The following ANO10 variants were observed in gnomAD, a reference collection of about 807,000 sequenced individuals.
ANO10 encodes the protein anoctamin 10.
Under a neutral mutation model 74.7 loss-of-function variants are expected in ANO10, and 77 were observed. The ratio of observed to expected loss-of-function variants is 1.03; its 90% CI spans 0.86 to 1.25. The LOEUF (loss-of-function observed/expected upper bound fraction) is 1.25. ANO10 is among the 50% of genes most tolerant of loss of function. The pLI is 0.00. For missense variants in ANO10, 721 were observed against 778.1 expected (o/e 0.93, Z 0.87); for synonymous variants, 279 against 284.9 (o/e 0.98, Z 0.21).
intron 11 of ANO10, among the ~76,000 whole-genome samples, chr3:43,435,309 G>A (rs2093050065): frequency 6.6e-6 from 1 of 152,086 alleles, no homozygotes; most frequent in Non-Finnish European, 1.5e-5. Flanking sequence ...AGGAGTTCAA[G>A]ACCAGCCTGG....
intron 1 of ANO10, among the ~76,000 whole-genome samples, chr3:43,643,177 A>G (rs1243225087): frequency 6.6e-6 from 1 of 150,516 alleles, no homozygotes; most frequent in Non-Finnish European, 1.5e-5. Context: ...GACTACAGGC[A>G]CCCGCCACGA....
In ANO10 at chr3:43,405,363, G is replaced by T. The variant is rs2092557874; in HGVS notation, c.1914+27248C>A. Among the ~76,000 whole-genome samples, 5 of 152,352 alleles carry T rather than the reference G, an allele frequency of 3.3e-5. No homozygotes were observed. The South Asian group carries it at 1.0e-3, about 32-fold the overall frequency. On this transcript the variant is annotated intron_variant, in intron 12 of 12. Coordinates refer to ENST00000292246, the MANE Select transcript of ANO10 (RefSeq NM_018075.5). ...ACGGGGAGGAGGGCAGAAGTGATGT[G>T]AGAATGGCCACTTGGGCCAGAAGTC...
intron 11 of ANO10, among the ~76,000 whole-genome samples, chr3:43,542,435 C>T (rs964605008): frequency 2.0e-5 from 3 of 152,128 alleles, no homozygotes; most frequent in African/African-American, 7.2e-5. Context: ...GGAACCAATG[C>T]AATGCTATGA....
At chr3:43,630,785 A>T (rs551043406) in intron 1 of ANO10, among the ~76,000 whole-genome samples, 2 of 152,216 alleles carry the variant, frequency 1.3e-5, no homozygotes, top group South Asian at 4.1e-4. Flanking sequence ...TATTTTGCAC[A>T]TTGTTTTTGT....
At chr3:43,409,900 A>G (rs2092637459) in intron 12 of ANO10, among the ~76,000 whole-genome samples, 1 of 152,168 alleles carries the variant, frequency 6.6e-6, no homozygotes, top group African/African-American at 2.4e-5. Context: ...GACTTTTTAT[A>G]TTACATTTGA....
chr3:43,665,403 T>C (rs550060237), intron 1 of ANO10, among the ~76,000 whole-genome samples: 2 of 152,166 alleles, frequency 1.3e-5, no homozygotes, highest in East Asian at 1.9e-4. Flanking sequence ...GGGATAACAT[T>C]AGGAGAAATA....
intron 8 of ANO10, among the ~76,000 whole-genome samples, chr3:43,562,400 C>T (rs2080083908): frequency 6.8e-6 from 1 of 146,622 alleles, no homozygotes; most frequent in Admixed American, 7.1e-5. Context: ...TGCAGTAAGC[C>T]AAGATCGCGC....
At chr3:43,677,026 A>G (rs191576628) in intron 1 of ANO10, among the ~76,000 whole-genome samples, 1 of 152,326 alleles carries the variant, frequency 6.6e-6, no homozygotes, top group African/African-American at 2.4e-5. Context: ...TATCAAAAAG[A>G]TACAGGCACT....
intron 11 of ANO10, among the ~76,000 whole-genome samples, chr3:43,506,175 C>T (rs1322486474): frequency 1.3e-4 from 20 of 152,276 alleles, no homozygotes; most frequent in Admixed American, 1.2e-3. Context: ...TCATTCATAA[C>T]GTCATCCTTG....
At chr3:43,613,691 G>A (rs1391203344) in intron 1 of ANO10, among the ~76,000 whole-genome samples, 7 of 152,066 alleles carry the variant, frequency 4.6e-5, no homozygotes, top group East Asian at 3.9e-4. Flanking sequence ...TGGTGGGGGC[G>A]AATATTAACC....
chr3:43,690,955 GC>G (rs780961216), intron 1 of ANO10: 81 of 1,550,924 alleles, frequency 5.2e-5, no homozygotes, highest in Non-Finnish European at 7.0e-5. Flanking sequence ...CTGTCAGCCG[GC>G]TTCGAGATAA....
Position 43,366,425 on chromosome 3 carries a change from G to A in ANO10, c.*481C>T, listed in dbSNP as rs1053252835. On this transcript the variant is annotated 3_prime_UTR_variant, in exon 13 of 13. Coordinates refer to ENST00000292246, the MANE Select transcript of ANO10 (RefSeq NM_018075.5). ...TGTATTGCAAAAGAGAACCAGGAAA[G>A]AGGTCCAGTGTGGGAAGCACTGCCT... 1.3e-5 allele frequency: 3 copies of A among 235,676 alleles called. No individual in the cohort carries two copies. The highest frequency in any genetic ancestry group is 1.2e-4 in the South Asian group (2 of 16,096). The allele number at this position is 235,676 out of a possible 1,614,324, so 14.6% of individuals were successfully genotyped here.
At chr3:43,605,615 T>C in intron 2 of ANO10, 99 bp downstream of exon 2, 1 of 1,458,692 alleles carries the variant, frequency 6.9e-7, no homozygotes, top group Non-Finnish European at 9.4e-7. Context: ...ATAAAACACA[T>C]TTGCAAATAC....
At chr3:43,558,540 T>C (rs904653249) in intron 9 of ANO10, among the ~76,000 whole-genome samples, 3 of 152,210 alleles carry the variant, frequency 2.0e-5, no homozygotes, top group African/African-American at 7.2e-5. Flanking sequence ...CTGCATTTTC[T>C]AAGTTTTCTA....
At chr3:43,568,081 CAAAG>C (rs1305285484) in intron 7 of ANO10, among the ~76,000 whole-genome samples, 7 of 152,004 alleles carry the variant, frequency 4.6e-5, no homozygotes, top group Non-Finnish European at 1.0e-4. Flanking sequence ...TCAAAAGAGA[CAAAG>C]AAGGCCATTA....
chr3:43,565,965 T>C (rs909152742), intron 7 of ANO10, among the ~76,000 whole-genome samples: 3 of 151,874 alleles, frequency 2.0e-5, no homozygotes, highest in Admixed American at 1.3e-4. Flanking sequence ...TGGACGCAGG[T>C]CAGTGGGTGC....
chr3:43,413,896 C>T (rs993021572), intron 12 of ANO10, among the ~76,000 whole-genome samples: 1 of 151,780 alleles, frequency 6.6e-6, no homozygotes, highest in Non-Finnish European at 1.5e-5. Flanking sequence ...AGGGCTCTCT[C>T]AGGTCCATCT....
At chr3:43,416,141 T>G (rs1210798541) in intron 12 of ANO10, among the ~76,000 whole-genome samples, 1 of 152,212 alleles carries the variant, frequency 6.6e-6, no homozygotes, top group Non-Finnish European at 1.5e-5. Flanking sequence ...CATTTTCTCT[T>G]GTGCCTGTGA....
chr3:43,563,242 C>T (rs190313545), intron 8 of ANO10, among the ~76,000 whole-genome samples: 1 of 152,158 alleles, frequency 6.6e-6, no homozygotes, highest in Admixed American at 6.5e-5. Flanking sequence ...TCATCAGGGA[C>T]ATGCAAATCA....
Sources: gnomAD v4.1 joint callset for allele counts (sites outside exome capture counted in the v4.1 genomes callset) on GRCh38, gnomAD v4.1.1 for gene constraint, MANE v1.5 for transcripts, NCBI Gene and HGNC (gene_info 2026-07-23, HGNC 2026-07-21) for gene names.